PHACTR2: variants seen among roughly 807,000 people sequenced by gnomAD.
The protein encoded by PHACTR2 is phosphatase and actin regulator 2.
PHACTR2 carries 30 observed loss-of-function variants against 76.0 expected under a neutral mutation model. The ratio of observed to expected loss-of-function variants is 0.39; its 90% CI spans 0.30 to 0.54. The LOEUF (loss-of-function observed/expected upper bound fraction) is 0.54. Ranked by LOEUF, PHACTR2 falls within the 20% of genes least tolerant of loss-of-function variation. The pLI is 0.61. For synonymous variants in PHACTR2, 292 were observed against 292.5 expected, an observed-to-expected ratio of 1.00 and a Z score of 0.02; for missense variants, 696 against 781.1, an observed-to-expected ratio of 0.89 and a Z score of 1.30.
Position 143,654,871 on chromosome 6 carries a change from AT to A in PHACTR2, c.13+46550del, listed in dbSNP as rs1436362414. ...AACATGGACGACTCTTAAAAACATC[AT>A]GCTAGCCGGGCACTGTGGCTCACGC... On this transcript the variant is annotated intron_variant, in intron 1 of 11. Coordinates refer to the PHACTR2 transcript ENST00000305766. The surrounding 1 kb of genome is among the most constrained non-coding windows in gnomAD (Gnocchi z 4.6). 6.6e-6 allele frequency among the ~76,000 whole-genome samples: 1 copy of A among 152,044 alleles called. No individual in the cohort carries two copies. The highest frequency in any genetic ancestry group is 1.5e-5 in the Non-Finnish European group (1 of 68,014).
At chr6:143,737,771 G>A (rs908582255) in intron 2 of PHACTR2, among the ~76,000 whole-genome samples, 1 of 152,190 alleles carries the variant, frequency 6.6e-6, no homozygotes, top group Non-Finnish European at 1.5e-5. Flanking sequence ...TCACTGCAGG[G>A]TTGGGCAGGA....
intron 1 of PHACTR2, among the ~76,000 whole-genome samples, chr6:143,560,207 C>T (rs1775246974): frequency 6.6e-6 from 1 of 152,204 alleles, no homozygotes; most frequent in Non-Finnish European, 1.5e-5. Context: ...AAATTAAAAT[C>T]TGTCCTTAAT....
In PHACTR2 at chr6:143,662,259, T is replaced by G. The variant is rs1033037952; in HGVS notation, c.14-49757T>G. 6.6e-6 allele frequency among the ~76,000 whole-genome samples: 1 copy of G among 152,220 alleles called. No individual in the cohort carries two copies. The highest frequency in any genetic ancestry group is 1.5e-5 in the Non-Finnish European group (1 of 68,036). On this transcript the variant is annotated intron_variant, in intron 1 of 11. Transcript: ENST00000305766. This position sits in a 1 kb window ranked among gnomAD's most constrained non-coding sequence, Gnocchi z 4.7. ...GAGCTGTTTTACTTGGAGGCATTTCTTAGATTTAAGTTCTAATAAAACTAA... is the reference window on the plus strand; with the variant it reads ...GAGCTGTTTTACTTGGAGGCATTTCGTAGATTTAAGTTCTAATAAAACTAA...
In PHACTR2 at chr6:143,561,412, G is replaced by A. The variant is rs56211840; in HGVS notation, c.217+24205G>A. ...ATGTGAGAAGTTGTTGGAGAAGAAC[G>A]TTCAGGAAGAAATTTTGTGGTGATC... On this transcript the variant is annotated intron_variant, in intron 1 of 11. Transcript: ENST00000367584. The surrounding 1 kb of genome is among the most constrained non-coding windows in gnomAD (Gnocchi z 4.1). 8,773 of 152,334 alleles carry A rather than the reference G, an allele frequency of 0.058. 330 individuals are homozygous for A. The highest frequency in any genetic ancestry group is 0.17 in the East Asian group (876 of 5,184). The allele number at this position is 152,334 out of a possible 1,614,324, so 9.4% of individuals were successfully genotyped here. A position where few individuals can be genotyped will look rare whatever the true frequency, so the allele number is the denominator to read the frequency against.
chr6:143,670,785 G>T (rs529832857), intron 1 of PHACTR2, among the ~76,000 whole-genome samples: 4 of 152,192 alleles, frequency 2.6e-5, no homozygotes, highest in African/African-American at 9.6e-5. Flanking sequence ...CATTGGGTTA[G>T]AACATGCTCC....
In PHACTR2 at chr6:143,581,892, C is replaced by A. The variant is rs1489735905; in HGVS notation, c.217+44685C>A. Among the ~76,000 whole-genome samples the A allele has an allele frequency of 6.6e-6, 1 of 152,094 alleles. No homozygotes were observed. Among genetic ancestry groups the A allele is most frequent in the Non-Finnish European group, 1.5e-5 (1 of 68,028 alleles). On this transcript the variant is annotated intron_variant, in intron 1 of 11. Transcript: ENST00000367584. The surrounding 1 kb of genome is among the most constrained non-coding windows in gnomAD (Gnocchi z 4.5). The stretch of plus-strand genomic sequence containing the variant: ...CTGCCCTTGCCTAGACTTAGATGAA[C>A]CCAGTCTATTTTTTGCAGTTATACA...
chr6:143,792,762 T>C (rs1775723007), intron 11 of PHACTR2, among the ~76,000 whole-genome samples: 1 of 152,288 alleles, frequency 6.6e-6, no homozygotes, highest in East Asian at 1.9e-4. Context: ...TACCTATACA[T>C]GGCCTCTTCA....
rs1229079258 is a variant in PHACTR2 at position 143,742,740 on chromosome 6, A to G, written c.215-6245A>G. On this transcript the variant is annotated intron_variant, in intron 2 of 12. Transcript: ENST00000440869. The surrounding 1 kb of genome is among the most constrained non-coding windows in gnomAD (Gnocchi z 4.5). The stretch of plus-strand genomic sequence containing the variant: ...GCCTTTCCTCCTTCCCCCCAAAAAG[A>G]CACTTAGGTCCCCAATATCTACTCT... 6.6e-6 allele frequency among the ~76,000 whole-genome samples: 1 copy of G among 152,140 alleles called. No homozygotes were observed. Among genetic ancestry groups the G allele is most frequent in the East Asian group, 1.9e-4 (1 of 5,184 alleles).
chr6:143,660,060 C>T (rs1167409426), intron 1 of PHACTR2, among the ~76,000 whole-genome samples: 1 of 152,120 alleles, frequency 6.6e-6, no homozygotes, highest in Non-Finnish European at 1.5e-5. Flanking sequence ...AACTTAAGTG[C>T]TCATTTGTAA....
At chr6:143,719,212 C>T (rs1210462246) in intron 2 of PHACTR2, among the ~76,000 whole-genome samples, 2 of 148,846 alleles carry the variant, frequency 1.3e-5, no homozygotes, top group African/African-American at 2.5e-5. Context: ...CATTCACCCT[C>T]ACATCATATT....
At chr6:143,815,863 GC>G (rs1776284108) in intron 12 of PHACTR2, among the ~76,000 whole-genome samples, 1 of 142,352 alleles carries the variant, frequency 7.0e-6, no homozygotes, top group South Asian at 2.2e-4. Flanking sequence ...CTGCACACTA[GC>G]CTAGGCAAAA....
rs887471404 is a variant in PHACTR2 at position 143,827,183 on chromosome 6, T to C, written c.*3494T>C. Reference sequence around the variant, plus strand: ...ATATATATATATATATATATATATATATATATATATATATATGTATATTAT... The same window carrying C: ...ATATATATATATATATATATATATACATATATATATATATATGTATATTAT... On this transcript the variant is annotated 3_prime_UTR_variant, in exon 13 of 13. Coordinates refer to ENST00000440869, the MANE Select transcript of PHACTR2 (RefSeq NM_001100164.2). 3.7e-3 allele frequency: 483 copies of C among 131,134 alleles called. 11 individuals carry two copies. The highest frequency in any genetic ancestry group is 5.6e-3 in the Admixed American group (74 of 13,310). 8.1% of individuals were successfully genotyped at this position (131,134 alleles called of 1,614,324 possible). A position where few individuals can be genotyped will look rare whatever the true frequency, so the allele number is the denominator to read the frequency against.
chr6:143,560,971 G>A (rs1033375301), intron 1 of PHACTR2, among the ~76,000 whole-genome samples: 3 of 150,298 alleles, frequency 2.0e-5, no homozygotes, highest in East Asian at 2.0e-4. Flanking sequence ...GTTGACAGGA[G>A]TTCTAGGCTT....
intron 1 of PHACTR2, among the ~76,000 whole-genome samples, chr6:143,564,769 T>G (rs1326006023): frequency 6.6e-6 from 1 of 152,120 alleles, no homozygotes; most frequent in Non-Finnish European, 1.5e-5. Flanking sequence ...TGGCAGAATC[T>G]CAATGGCAAA....
Position 143,780,278 on chromosome 6 carries a change from T to C in PHACTR2, c.1645+2895T>C, listed in dbSNP as rs554012844. On this transcript the variant is annotated intron_variant, in intron 9 of 12. Coordinates refer to ENST00000440869, the MANE Select transcript of PHACTR2 (RefSeq NM_001100164.2). The surrounding 1 kb of genome is among the most constrained non-coding windows in gnomAD (Gnocchi z 4.4). ...CATCTGTTGATCCAGCTTTTTTTAA[T>C]GCACTTTAAGTTTATGTGTGTCTTT... Among the ~76,000 whole-genome samples the C allele has an allele frequency of 6.6e-6, 1 of 152,302 alleles. No homozygotes were observed. Among genetic ancestry groups the C allele is most frequent in the South Asian group, 2.1e-4 (1 of 4,820 alleles).
intron 6 of PHACTR2, among the ~76,000 whole-genome samples, chr6:143,771,210 A>ATATGTG (rs1562300915): frequency 1.3e-5 from 1 of 79,196 alleles, no homozygotes; most frequent in Admixed American, 1.2e-4. Context: ...ATATATATAT[A>ATATGTG]TATATATATA....
At chr6:143,605,263 A>G (rs12110560), upstream of PHACTR2, among the ~76,000 whole-genome samples, 1,985 of 152,298 alleles carry the variant, frequency 0.013, 48 homozygotes, top group African/African-American at 0.045. This position sits in a 1 kb window ranked among gnomAD's most constrained non-coding sequence, Gnocchi z 5.0. Flanking sequence ...AGCTGAGTAT[A>G]TACTCATGGG....
intron 11 of PHACTR2, among the ~76,000 whole-genome samples, chr6:143,799,349 T>C (rs900380165): frequency 7.2e-5 from 11 of 152,236 alleles, no homozygotes; most frequent in African/African-American, 2.7e-4. Context: ...CCTGGATTCA[T>C]TGATTTTTTG....
chr6:143,649,852 G>A (rs1047100402), intron 1 of PHACTR2, among the ~76,000 whole-genome samples: 7 of 152,142 alleles, frequency 4.6e-5, no homozygotes, highest in African/African-American at 1.7e-4. Flanking sequence ...GGGCAATCAG[G>A]CAAGAGAAAG....
Sources: allele counts gnomAD v4.1 joint callset (sites outside exome capture counted in the v4.1 genomes callset), GRCh38; gene constraint gnomAD v4.1.1; non-coding constraint Gnocchi (gnomAD v3.1); transcripts MANE v1.5; gene names NCBI Gene and HGNC (gene_info 2026-07-23, HGNC 2026-07-21).